CDKAL1: variants seen among roughly 807,000 people sequenced by gnomAD.
The protein encoded by CDKAL1 is CDKAL1 threonylcarbamoyladenosine tRNA methylthiotransferase.
Under a neutral mutation model 68.2 loss-of-function variants are expected in CDKAL1, and 32 were observed. The ratio of observed to expected loss-of-function variants is 0.47; its 90% CI spans 0.35 to 0.63. The LOEUF (loss-of-function observed/expected upper bound fraction) is 0.63. Among genes scored for constraint, CDKAL1 ranks in the 30% least tolerant of loss-of-function variants. CDKAL1 has a pLI of 0.00. For missense variants in CDKAL1, 606 were observed against 696.7 expected (o/e 0.87, Z 1.47); for synonymous variants, 234 against 244.3 (o/e 0.96, Z 0.39).
chr6:20,900,460 T>C (rs546855278), intron 9 of CDKAL1, among the ~76,000 whole-genome samples: 1 of 152,376 alleles, frequency 6.6e-6, no homozygotes, highest in East Asian at 1.9e-4. Flanking sequence ...GGCCGTGTTC[T>C]GATGCAGTAT....
chr6:20,685,074 G>T (rs568718122), intron 5 of CDKAL1, among the ~76,000 whole-genome samples: 1 of 152,220 alleles, frequency 6.6e-6, no homozygotes, highest in South Asian at 2.1e-4. Flanking sequence ...AAAAGTCATT[G>T]TCAAACCTAA....
intron 8 of CDKAL1, among the ~76,000 whole-genome samples, chr6:20,835,519 G>A (rs200028306): frequency 3.0e-5 from 4 of 131,244 alleles, no homozygotes; most frequent in Admixed American, 1.6e-4. Context: ...GTCTTGTCTT[G>A]TCTTTTGTCT....
At chr6:20,939,449 A>G (rs1395273676) in intron 9 of CDKAL1, among the ~76,000 whole-genome samples, 4 of 152,198 alleles carry the variant, frequency 2.6e-5, no homozygotes, top group Admixed American at 2.0e-4. Flanking sequence ...GTTTTGTAGA[A>G]TATTTAAGTG....
chr6:20,624,384 C>T (rs1048235193), intron 4 of CDKAL1, among the ~76,000 whole-genome samples: 4 of 152,040 alleles, frequency 2.6e-5, no homozygotes, highest in Non-Finnish European at 5.9e-5. Context: ...TTTTTTCCCC[C>T]CTTTCTGTGC....
At chr6:20,624,432 T>C (rs1767336895) in intron 4 of CDKAL1, among the ~76,000 whole-genome samples, 1 of 152,042 alleles carries the variant, frequency 6.6e-6, no homozygotes, top group Non-Finnish European at 1.5e-5. Context: ...TCTTGTATCT[T>C]TGCTTCTGAC....
At chr6:21,015,640 G>A (rs752293776) in intron 11 of CDKAL1, among the ~76,000 whole-genome samples, 6 of 151,840 alleles carry the variant, frequency 4.0e-5, no homozygotes, top group Non-Finnish European at 7.4e-5. Context: ...TTCAAGAATC[G>A]TGATAGCCGG....
intron 15 of CDKAL1, among the ~76,000 whole-genome samples, chr6:21,216,763 A>G (rs1779351085): frequency 6.6e-6 from 1 of 152,004 alleles, no homozygotes; most frequent in African/African-American, 2.4e-5. Flanking sequence ...CCTTTGACCA[A>G]CCCTTCCCCA....
chr6:21,004,977 C>T (rs6932336), intron 11 of CDKAL1, among the ~76,000 whole-genome samples: 91,199 of 151,964 alleles, frequency 0.6, 27,681 homozygotes, highest in East Asian at 0.86. Context: ...AAAAATTTGT[C>T]TTTGTATTTT....
Position 20,539,453 on chromosome 6 carries a change from A to T in CDKAL1, c.-6+4059A>T, listed in dbSNP as rs918411034. ...AGCAGATGATTAAATGCTACAGTTT[A>T]AAAAAAGGCAGGAAAGGGGCATAGG... On this transcript the variant is annotated intron_variant, in intron 2 of 15. Transcript: ENST00000274695. This position sits in a 1 kb window ranked among gnomAD's most constrained non-coding sequence, Gnocchi z 4.3. 2.0e-5 allele frequency among the ~76,000 whole-genome samples: 3 copies of T among 152,168 alleles called. No individual in the cohort carries two copies. The highest frequency in any genetic ancestry group is 4.4e-5 in the Non-Finnish European group (3 of 68,034).
chr6:21,066,201 T>C (rs928660931), intron 12 of CDKAL1, among the ~76,000 whole-genome samples: 3 of 152,146 alleles, frequency 2.0e-5, no homozygotes, highest in Admixed American at 1.3e-4. Flanking sequence ...AAGTCTGTTT[T>C]TTCCAAAATC....
intron 9 of CDKAL1, among the ~76,000 whole-genome samples, chr6:20,951,395 A>G (rs1020743792): frequency 1.3e-5 from 2 of 152,184 alleles, no homozygotes; most frequent in African/African-American, 4.8e-5. Flanking sequence ...TGGTGAGACT[A>G]TTTTATTGAG....
chr6:21,051,666 G>T (rs1770547004), intron 11 of CDKAL1, among the ~76,000 whole-genome samples: 1 of 152,072 alleles, frequency 6.6e-6, no homozygotes, highest in Non-Finnish European at 1.5e-5. Context: ...TTAACATATT[G>T]CCTGGCACTT....
chr6:20,782,475 GCTTT>G (rs1775472852), intron 8 of CDKAL1, among the ~76,000 whole-genome samples: 1 of 152,132 alleles, frequency 6.6e-6, no homozygotes, highest in Non-Finnish European at 1.5e-5. Context: ...AAGGCTGTTT[GCTTT>G]CCCCTTCCTC....
intron 12 of CDKAL1, among the ~76,000 whole-genome samples, chr6:21,105,087 C>T (rs1773782330): frequency 6.6e-6 from 1 of 152,152 alleles, no homozygotes; most frequent in African/African-American, 2.4e-5. Flanking sequence ...GTGTTAGCAT[C>T]CGTCATTTTT....
chr6:20,571,791 G>A (rs1474768856), intron 4 of CDKAL1, among the ~76,000 whole-genome samples: 1 of 151,946 alleles, frequency 6.6e-6, no homozygotes, highest in Non-Finnish European at 1.5e-5. Context: ...TTTAAAAAAT[G>A]CATTTGAGCT....
intron 4 of CDKAL1, among the ~76,000 whole-genome samples, chr6:20,604,158 T>C (rs1045100312): frequency 2.6e-5 from 4 of 152,200 alleles, no homozygotes; most frequent in East Asian, 1.9e-4. Flanking sequence ...CAACGTGCTG[T>C]GTGCATGTCA....
intron 4 of CDKAL1, among the ~76,000 whole-genome samples, chr6:20,560,026 C>T (rs991844719): frequency 2.6e-5 from 4 of 152,126 alleles, no homozygotes; most frequent in Non-Finnish European, 5.9e-5. Flanking sequence ...AACAATTGAA[C>T]ATGTAGTGTT....
intron 6 of CDKAL1, among the ~76,000 whole-genome samples, chr6:20,752,785 A>G (rs1262948741): frequency 6.6e-6 from 1 of 152,218 alleles, no homozygotes; most frequent in Non-Finnish European, 1.5e-5. Flanking sequence ...TATTAATACA[A>G]TATTATAAAC....
intron 4 of CDKAL1, among the ~76,000 whole-genome samples, chr6:20,560,201 A>C (rs1330724052): frequency 6.6e-6 from 1 of 152,230 alleles, no homozygotes; most frequent in Non-Finnish European, 1.5e-5. Context: ...TTCTAATGCA[A>C]TTATTAGGCG....
Sources: allele counts gnomAD v4.1 joint callset (sites outside exome capture counted in the v4.1 genomes callset), GRCh38; gene constraint gnomAD v4.1.1; non-coding constraint Gnocchi (gnomAD v3.1); transcripts MANE v1.5; gene names NCBI Gene and HGNC (gene_info 2026-07-23, HGNC 2026-07-21).